P3H2: variants seen among roughly 807,000 people sequenced by gnomAD.
P3H2 encodes the protein prolyl 3-hydroxylase 2.
In P3H2, 80 loss-of-function variants were observed where a neutral mutation model predicts 87.0. The ratio of observed to expected loss-of-function variants is 0.92; its 90% confidence interval spans 0.77 to 1.11. The LOEUF is 1.11. Ranked by LOEUF, P3H2 falls within the 50% of genes least tolerant of loss-of-function variation. The pLI is 0.00. For synonymous variants in P3H2, 367 were observed against 359.3 expected, an observed-to-expected ratio of 1.02 and a Z score of -0.24; for missense variants, 1,001 against 923.9, an observed-to-expected ratio of 1.08 and a Z score of -1.08.
intron 8 of P3H2, among the ~76,000 whole-genome samples, chr3:189,977,197 A>C (rs1204678365): frequency 6.6e-6 from 1 of 152,206 alleles, no homozygotes; most frequent in African/African-American, 2.4e-5. Flanking sequence ...CCTGGAACTT[A>C]CTTCTAAACA....
intron 1 of P3H2, among the ~76,000 whole-genome samples, chr3:190,085,722 G>A (rs1223773088): frequency 6.6e-6 from 1 of 151,934 alleles, no homozygotes; most frequent in African/African-American, 2.4e-5. Context: ...TGACTTTTGA[G>A]TTATTGGCAT....
chr3:190,036,553 A>C (rs187225899), intron 1 of P3H2, among the ~76,000 whole-genome samples: 80 of 152,284 alleles, frequency 5.3e-4, no homozygotes, highest in African/African-American at 1.8e-3. Flanking sequence ...AAAAAAAATT[A>C]ACATTGAGTC....
At chr3:190,113,804 G>A (rs920572709) in intron 1 of P3H2, among the ~76,000 whole-genome samples, 1 of 152,088 alleles carries the variant, frequency 6.6e-6, no homozygotes, top group African/African-American at 2.4e-5. Flanking sequence ...GAGGCCGGGC[G>A]CAGTGGCTCG....
intron 1 of P3H2, among the ~76,000 whole-genome samples, chr3:190,032,466 C>T (rs1030547737): frequency 1.1e-4 from 16 of 151,730 alleles, no homozygotes; most frequent in Non-Finnish European, 2.1e-4. Flanking sequence ...TTGGTAACAT[C>T]ACAAAAAGAA....
At chr3:189,959,662 C>T (rs1722751425) in intron 14 of P3H2, among the ~76,000 whole-genome samples, 1 of 152,096 alleles carries the variant, frequency 6.6e-6, no homozygotes, top group Admixed American at 6.5e-5. Context: ...TTAAGTGTTT[C>T]TCTGGATGCT....
intron 1 of P3H2, among the ~76,000 whole-genome samples, chr3:190,075,411 G>C (rs1460082031): frequency 6.6e-6 from 1 of 151,834 alleles, no homozygotes; most frequent in Non-Finnish European, 1.5e-5. Context: ...CTTGAACCTG[G>C]GAGGTGGAGG....
At chr3:189,992,874 A>C (rs1723919611) in intron 3 of P3H2, among the ~76,000 whole-genome samples, 2 of 152,234 alleles carry the variant, frequency 1.3e-5, no homozygotes, top group African/African-American at 4.8e-5. Flanking sequence ...GCTCTCTTTG[A>C]ATATGAAATA....
At chr3:190,107,683 C>G (rs1711900746) in intron 1 of P3H2, among the ~76,000 whole-genome samples, 1 of 152,148 alleles carries the variant, frequency 6.6e-6, no homozygotes, top group Non-Finnish European at 1.5e-5. Context: ...CTTAAAAAAT[C>G]TTTAAAGCTA....
chr3:190,063,732 G>A lies in P3H2; in HGVS notation c.480+56520C>T, dbSNP rs888554045. On this transcript the variant is annotated intron_variant, in intron 1 of 14. Transcript: ENST00000319332. ...TTTATTTTTGGAGTGAGTGAAGCCT[G>A]TATGGTGACCATTAGAGACTTCCGA... 2.2e-4 allele frequency among the ~76,000 whole-genome samples: 34 copies of A among 152,218 alleles called. 1 individual carries two copies. Among genetic ancestry groups the A allele is most frequent in the African/African-American group, 7.7e-4 (32 of 41,544 alleles).
intron 1 of P3H2, among the ~76,000 whole-genome samples, chr3:190,033,271 C>T (rs1077232): frequency 0.57 from 86,688 of 151,548 alleles, 27,015 homozygotes; most frequent in South Asian, 0.71. Context: ...CAGACTTGTA[C>T]GGGTCCGTGA....
intron 1 of P3H2, among the ~76,000 whole-genome samples, chr3:190,111,548 ATCAG>A (rs1220782514): frequency 6.6e-6 from 1 of 152,144 alleles, no homozygotes; most frequent in African/African-American, 2.4e-5. Flanking sequence ...TTTAAAAAAA[ATCAG>A]TCAAAGGGGC....
chr3:190,116,207 T>C (rs753379932), intron 1 of P3H2, among the ~76,000 whole-genome samples: 18 of 152,164 alleles, frequency 1.2e-4, no homozygotes, highest in Non-Finnish European at 1.9e-4. Context: ...TGCATTTATA[T>C]GTTAGGATAG....
chr3:189,990,939 T>C (rs1365157747), intron 3 of P3H2, among the ~76,000 whole-genome samples: 1 of 152,164 alleles, frequency 6.6e-6, no homozygotes, highest in Non-Finnish European at 1.5e-5. Flanking sequence ...CTGTGGGAAA[T>C]CGTCGGTCCA....
chr3:190,120,691 A>AGCG lies in P3H2; in HGVS notation c.40_41insCGC (p.Leu13_Leu14insPro). On this transcript the variant is annotated inframe_insertion, in exon 1 of 15. Coordinates refer to ENST00000319332, the MANE Select transcript of P3H2 (RefSeq NM_018192.4). ...CAGTGGCGGCGGCAGTAGCAGCGGC[A>AGCG]GCAGCAGCAGCAGCGGCGGCGCCCA... The AGCG allele has an allele frequency of 6.6e-7, 1 of 1,504,174 alleles. No homozygotes were observed. Among genetic ancestry groups the AGCG allele is most frequent in the Non-Finnish European group, 8.8e-7 (1 of 1,131,628 alleles). 93.2% of individuals were successfully genotyped at this position (1,504,174 alleles called of 1,614,324 possible).
chr3:189,999,159 T>C (rs962189853), intron 1 of P3H2, among the ~76,000 whole-genome samples: 1 of 152,252 alleles, frequency 6.6e-6, no homozygotes, highest in Non-Finnish European at 1.5e-5. Flanking sequence ...GTTATCACGA[T>C]GAATGTGATT....
intron 1 of P3H2, among the ~76,000 whole-genome samples, chr3:190,075,730 G>A (rs1203777136): frequency 6.6e-6 from 1 of 152,042 alleles, no homozygotes; most frequent in African/African-American, 2.4e-5. Context: ...GAGACATTTG[G>A]TATGTACTTA....
chr3:190,019,115 A>G (rs1431869213), intron 1 of P3H2, among the ~76,000 whole-genome samples: 1 of 152,160 alleles, frequency 6.6e-6, no homozygotes, highest in Non-Finnish European at 1.5e-5. Context: ...AGCTGGGAAG[A>G]TTCAATGCAG....
chr3:189,973,249 CTATTA>C, intron 10 of P3H2: 1 of 541,098 alleles, frequency 1.8e-6, no homozygotes, highest in East Asian at 3.1e-5. Context: ...CTCTTCTCTT[CTATTA>C]TAATATGTTC....
chr3:190,116,506 C>T (rs1712293902), intron 1 of P3H2: 1 of 152,202 alleles, frequency 6.6e-6, no homozygotes, highest in Non-Finnish European at 1.5e-5. Context: ...AAAGCCTCTA[C>T]ACCTCCCAAG....
Sources: gnomAD v4.1 joint callset for allele counts (sites outside exome capture counted in the v4.1 genomes callset) on GRCh38, gnomAD v4.1.1 for gene constraint, MANE v1.5 for transcripts, NCBI Gene and HGNC (gene_info 2026-07-23, HGNC 2026-07-21) for gene names.